The following CCDC7 variants were observed in gnomAD, a reference collection of about 807,000 sequenced individuals.
The protein encoded by CCDC7 is coiled-coil domain-containing protein 7.
Under a neutral mutation model 196.9 loss-of-function variants are expected in CCDC7, and 183 were observed. That is an observed-to-expected ratio of 0.93 (90% confidence interval 0.82 to 1.05). CCDC7 has a LOEUF of 1.05. Among genes scored for constraint, CCDC7 ranks in the 50% least tolerant of loss-of-function variants. The probability of loss-of-function intolerance (pLI) is 0.00; values close to 1 mark genes in which losing one functional copy is unlikely to be tolerated. For missense variants in CCDC7, 1,540 were observed against 1,482.2 expected (o/e 1.04, Z -0.64); for synonymous variants, 525 against 484.6 (o/e 1.08, Z -1.10).
At chr10:32,623,303 T>C (rs1222403529) in intron 18 of CCDC7, among the ~76,000 whole-genome samples, 2 of 152,184 alleles carry the variant, frequency 1.3e-5, no homozygotes, top group Non-Finnish European at 2.9e-5. Flanking sequence ...TTATTTTGTT[T>C]CACAGTTGGA....
intron 28 of CCDC7, among the ~76,000 whole-genome samples, chr10:32,765,967 G>A (rs530599244): frequency 1.1e-4 from 16 of 152,136 alleles, no homozygotes; most frequent in Non-Finnish European, 2.1e-4. Context: ...GGGTATATCA[G>A]TTCTCCCACT....
chr10:32,599,837 A>G (rs1190183591), intron 18 of CCDC7, among the ~76,000 whole-genome samples: 1 of 152,106 alleles, frequency 6.6e-6, no homozygotes, highest in African/African-American at 2.4e-5. Flanking sequence ...ATGGTAAGAG[A>G]TAGGGATAGA....
At chr10:32,869,438 T>G (rs141932670) in intron 41 of CCDC7, among the ~76,000 whole-genome samples, 13,755 of 152,238 alleles carry the variant, frequency 0.09, 875 homozygotes, top group East Asian at 0.32. Context: ...TAAATTTGTT[T>G]GAGTTCATTG....
At chr10:32,669,289 T>C (rs1242785300) in intron 21 of CCDC7, among the ~76,000 whole-genome samples, 1 of 152,098 alleles carries the variant, frequency 6.6e-6, no homozygotes, top group Non-Finnish European at 1.5e-5. Flanking sequence ...CTGTCGAATT[T>C]AGTTTGTTAG....
chr10:32,592,189 T>C (rs2059842509), intron 18 of CCDC7, among the ~76,000 whole-genome samples: 1 of 152,156 alleles, frequency 6.6e-6, no homozygotes, highest in South Asian at 2.1e-4. Context: ...GTTTATAAAA[T>C]TATAATGTTT....
At chr10:32,455,544 T>A (rs2034149968) in intron 2 of CCDC7, among the ~76,000 whole-genome samples, 2 of 152,134 alleles carry the variant, frequency 1.3e-5, no homozygotes, top group African/African-American at 4.8e-5. Context: ...CTTGAACTCC[T>A]GACCTCAAGT....
intron 24 of CCDC7, among the ~76,000 whole-genome samples, chr10:32,709,653 C>G (rs905151376): frequency 1.3e-5 from 2 of 152,062 alleles, no homozygotes; most frequent in African/African-American, 4.8e-5. Context: ...AATCTTCGCT[C>G]ACTCACCCAC....
At chr10:32,694,894 C>G (rs1304706902) in exon 24 of CCDC7, 21 of 1,591,974 alleles carry the variant, frequency 1.3e-5, no homozygotes, top group Non-Finnish European at 1.7e-5. Context: ...GATGAAGAAC[C>G]AGGCAAAAAT....
chr10:32,561,476 A>G (rs1468167367), intron 13 of CCDC7, among the ~76,000 whole-genome samples: 4 of 152,250 alleles, frequency 2.6e-5, no homozygotes, highest in African/African-American at 9.6e-5. Flanking sequence ...CAATCAAACT[A>G]GAACTCAGGA....
At chr10:32,527,065 G>T (rs1253602244) in intron 11 of CCDC7, among the ~76,000 whole-genome samples, 1 of 152,120 alleles carries the variant, frequency 6.6e-6, no homozygotes, top group Non-Finnish European at 1.5e-5. Flanking sequence ...GTTGAGGATT[G>T]CCAAGAAACT....
At chr10:32,775,544 G>C (rs1304544873) in intron 28 of CCDC7, among the ~76,000 whole-genome samples, 4 of 152,078 alleles carry the variant, frequency 2.6e-5, no homozygotes, top group African/African-American at 9.7e-5. Context: ...AAGTGATTTG[G>C]TGAGGAATAA....
intron 24 of CCDC7, among the ~76,000 whole-genome samples, chr10:32,701,112 G>C (rs2078640504): frequency 6.6e-6 from 1 of 152,168 alleles, no homozygotes; most frequent in South Asian, 2.1e-4. Flanking sequence ...AGTGGTAAGA[G>C]AGGGCATCCC....
exon 29 of CCDC7, chr10:32,778,995 C>T (rs1325365306): frequency 1.9e-6 from 3 of 1,549,702 alleles, no homozygotes; most frequent in Admixed American, 3.9e-5. Context: ...GAAGCAGCCT[C>T]AGAACTTCCA....
intron 28 of CCDC7, among the ~76,000 whole-genome samples, chr10:32,776,562 C>G (rs1257676602): frequency 6.6e-6 from 1 of 152,138 alleles, no homozygotes; most frequent in East Asian, 1.9e-4. Context: ...AACTATGTGG[C>G]CTTCCACAAT....
At chr10:32,828,492 G>GAAGAAGAAGAAGAAGAAGAAGAAGAAC (rs2091653350) in intron 32 of CCDC7, among the ~76,000 whole-genome samples, 1 of 89,924 alleles carries the variant, frequency 1.1e-5, no homozygotes, top group South Asian at 4.0e-4. Flanking sequence ...AGAGGAAGAA[G>GAAGAAGAAGAAGAAGAAGAAGAAGAAC]AAGAAGAAGA....
In CCDC7 at chr10:32,635,173, T is replaced by TA. The variant is rs1411171761; in HGVS notation, c.2014+19dup. 7 of 398,282 alleles carry TA rather than the reference T, an allele frequency of 1.8e-5. 1 individual carries two copies. In the South Asian group the frequency reaches 8.9e-4, roughly 51 times the overall value. The allele number at this position is 398,282 out of a possible 1,614,324, so 24.7% of individuals were successfully genotyped here. The stretch of plus-strand genomic sequence containing the variant: ...GAGTTTTCATTGTAAGTAGTAAGTT[T>TA]AAAATGTTATAAAATTATTTTCAAT... On this transcript the variant is annotated intron_variant, in intron 20 of 41. Transcript: ENST00000639629.
intron 28 of CCDC7, among the ~76,000 whole-genome samples, chr10:32,759,373 A>T (rs1469628571): frequency 1.3e-5 from 2 of 152,240 alleles, no homozygotes; most frequent in African/African-American, 4.8e-5. Context: ...CCAAAAGAGC[A>T]TGGTACTGGT....
intron 24 of CCDC7, among the ~76,000 whole-genome samples, chr10:32,707,057 T>C (rs906327145): frequency 6.6e-5 from 10 of 152,320 alleles, no homozygotes; most frequent in Non-Finnish European, 1.5e-4. Context: ...TGAACATCGA[T>C]GCAAAAATCC....
intron 8 of CCDC7, among the ~76,000 whole-genome samples, chr10:32,480,281 G>A (rs748840617): frequency 2.0e-5 from 3 of 151,064 alleles, no homozygotes; most frequent in African/African-American, 4.9e-5. Context: ...GTGACATTAC[G>A]TTATTTGAGC....
Sources: gnomAD v4.1 joint callset for allele counts (sites outside exome capture counted in the v4.1 genomes callset) on GRCh38, gnomAD v4.1.1 for gene constraint, MANE v1.5 for transcripts, NCBI Gene and HGNC (gene_info 2026-07-23, HGNC 2026-07-21) for gene names.